The following EMG1 variants were observed in gnomAD, a reference collection of about 807,000 sequenced individuals.
The protein encoded by EMG1 is ribosomal RNA small subunit methyltransferase NEP1.
In EMG1, 24 loss-of-function variants were observed where a neutral mutation model predicts 26.9. The observed-to-expected ratio is 0.89, with a 90% confidence interval of 0.65 to 1.26. The LOEUF (loss-of-function observed/expected upper bound fraction) is 1.26, where lower values mean the gene tolerates loss of function less well. Ranked by LOEUF, EMG1 falls within the 50% of genes most tolerant of loss-of-function variation. The pLI, the probability that EMG1 is intolerant of heterozygous loss-of-function variation, is 0.00. For synonymous variants in EMG1, 140 were observed against 112.6 expected (o/e 1.24, Z -1.54); for missense variants, 299 against 307.6 (o/e 0.97, Z 0.21).
At chr12:6,986,753 AG>A (rs1180806602) in intron 6 of EMG1, among the ~76,000 whole-genome samples, 10 of 142,408 alleles carry the variant, frequency 7.0e-5, no homozygotes, top group African/African-American at 2.7e-4. Flanking sequence ...GAGCAGAGAG[AG>A]CCACTGCACT....
chr12:6,982,999 T>TA (rs1437306957), downstream of EMG1: 1 of 619,520 alleles, frequency 1.6e-6, no homozygotes, highest in African/African-American at 1.8e-5. Context: ...TTTGTTTTTT[T>TA]AGAGATGCGA....
At chr12:6,982,106 A>G (rs2138333349), downstream of EMG1, among the ~76,000 whole-genome samples, 1 of 152,066 alleles carries the variant, frequency 6.6e-6, no homozygotes, top group East Asian at 1.9e-4. Flanking sequence ...CTAAACTGAG[A>G]TGAGAATTTA....
At chr12:6,971,702 A>G (rs1282829609) in intron 1 of EMG1, among the ~76,000 whole-genome samples, 2 of 152,338 alleles carry the variant, frequency 1.3e-5, no homozygotes, top group Admixed American at 1.3e-4. Context: ...TCCTTGCGTC[A>G]TTCCACATCC....
chr12:6,996,399 CTTG>C (rs1946636208), intron 7 of EMG1, among the ~76,000 whole-genome samples: 1 of 152,126 alleles, frequency 6.6e-6, no homozygotes, highest in Non-Finnish European at 1.5e-5. Flanking sequence ...TCACACACTT[CTTG>C]TTCTTCTTTC....
rs1435355225 is a variant in EMG1 at position 6,974,319 on chromosome 12, T to C, written c.169-20T>C. 8 of 1,569,772 alleles carry C rather than the reference T, an allele frequency of 5.1e-6. No individual in the cohort carries two copies. The highest frequency in any genetic ancestry group is 7.0e-6 in the Non-Finnish European group (8 of 1,143,626). On this transcript the variant is annotated intron_variant, in intron 1 of 5. Coordinates refer to ENST00000599672, the MANE Select transcript of EMG1 (RefSeq NM_006331.8). Reference sequence around the variant, plus strand: ...AACAGAAGCTTATGCTGTTCTCTCGTCATGTTCCCTGTTCTTCAGGTAGGG... The same window carrying C: ...AACAGAAGCTTATGCTGTTCTCTCGCCATGTTCCCTGTTCTTCAGGTAGGG...
chr12:6,989,675 A>C (rs1405290880), downstream of EMG1, among the ~76,000 whole-genome samples: 1 of 152,140 alleles, frequency 6.6e-6, no homozygotes, highest in African/African-American at 2.4e-5. Context: ...AGTCAAGCAC[A>C]GGGAGTGGAT....
chr12:6,978,627 T>C lies in EMG1; in HGVS notation c.*2818T>C. 5.0e-6 allele frequency: 8 copies of C among 1,614,196 alleles called. No homozygotes were observed. The highest frequency in any genetic ancestry group is 2.2e-5 in the East Asian group (1 of 44,890). ...CTGTGACCAGCCAACAGGTGACATA[T>C]TTGTACAGCACAAACTTGCCCCAGA... On this transcript the variant is annotated 3_prime_UTR_variant, in exon 6 of 6. Coordinates refer to ENST00000599672, the MANE Select transcript of EMG1 (RefSeq NM_006331.8).
At chr12:6,980,536 TG>T (rs1408511180), downstream of EMG1, among the ~76,000 whole-genome samples, 1 of 151,834 alleles carries the variant, frequency 6.6e-6, no homozygotes, top group Admixed American at 6.6e-5. Flanking sequence ...TGTATTTTTT[TG>T]TAGAGACAGA....
At position 6,975,743 on chromosome 12, in the gene EMG1, C is replaced by A. The variant is rs377075069; in HGVS notation, c.669C>A (p.Pro223=). Residue 223 remains proline, a synonymous_variant, in exon 6 of 6, where the codon CCC becomes CCA. Transcript: ENST00000599672. The part of the protein sequence containing the change: ...TEKMVSISNY[P]LSAALTCAKL... ...AGATGGTGTCCATCAGTAACTACCC[C>A]CTTTCTGCTGCCCTCACCTGTGCAA... 14 of 1,613,596 alleles carry A rather than the reference C, an allele frequency of 8.7e-6. No homozygotes were observed. The highest frequency in any genetic ancestry group is 3.3e-5 in the South Asian group (3 of 91,082).
At chr12:6,975,435 C>T (rs927297883) in intron 5 of EMG1, 57 bp downstream of exon 5, 13 of 1,504,550 alleles carry the variant, frequency 8.6e-6, no homozygotes, top group Non-Finnish European at 1.2e-5. Context: ...GTATAGAATT[C>T]CCAGAGCAGT....
intron 6 of EMG1, among the ~76,000 whole-genome samples, chr12:6,985,705 ACT>A (rs1308563534): frequency 6.6e-6 from 1 of 150,990 alleles, no homozygotes; most frequent in African/African-American, 2.4e-5. Context: ...ACAGAGCGAG[ACT>A]CTGTCTCAAA....
intron 5 of EMG1, 144 bp downstream of exon 5, chr12:6,975,522 A>G (rs1591708896): frequency 9.6e-7 from 1 of 1,036,714 alleles, no homozygotes; most frequent in South Asian, 1.5e-5. Context: ...ACATCCTTTG[A>G]GGGCTGCTGC....
chr12:6,977,493 C>T lies in EMG1; in HGVS notation c.*1684C>T, dbSNP rs1946419435. ...GGACAGTAATGGCGGCCAGCTTGCTCAGGGTGGGGCTCTCTTGAATGAGCC... is the reference window on the plus strand; with the variant it reads ...GGACAGTAATGGCGGCCAGCTTGCTTAGGGTGGGGCTCTCTTGAATGAGCC... On this transcript the variant is annotated 3_prime_UTR_variant, in exon 6 of 6. Coordinates refer to ENST00000599672, the MANE Select transcript of EMG1 (RefSeq NM_006331.8). The surrounding 1 kb of genome is among the most constrained non-coding windows in gnomAD (Gnocchi z 4.5). 2 of 1,614,196 alleles carry T rather than the reference C, an allele frequency of 1.2e-6. No homozygotes were observed. The highest frequency in any genetic ancestry group is 1.1e-5 in the South Asian group (1 of 91,084).
downstream of EMG1, among the ~76,000 whole-genome samples, chr12:6,990,526 A>AAAATAAAT (rs59048377): frequency 7.7e-3 from 1,115 of 144,490 alleles, 13 homozygotes; most frequent in East Asian, 0.034. Flanking sequence ...AAATTAAAAT[A>AAAATAAAT]AAATAAATAA....
Position 6,979,372 on chromosome 12 carries a change from G to T in EMG1, c.*3563G>T, listed in dbSNP as rs1181712220. On this transcript the variant is annotated 3_prime_UTR_variant, in exon 6 of 6. Coordinates refer to ENST00000599672, the MANE Select transcript of EMG1 (RefSeq NM_006331.8). The stretch of plus-strand genomic sequence containing the variant: ...AGAGCAAAACCAACATGCACTTGTA[G>T]ATGATATTTCCTACTTCTCTGCTAT... The T allele has an allele frequency of 4.6e-6, 4 of 866,142 alleles. No individual in the cohort carries two copies. The highest frequency in any genetic ancestry group is 7.5e-6 in the Non-Finnish European group (4 of 534,000). The allele number at this position is 866,142 out of a possible 1,614,324, so 53.7% of individuals were successfully genotyped here.
downstream of EMG1, among the ~76,000 whole-genome samples, chr12:6,980,214 A>AT (rs1205433943): frequency 4.7e-5 from 7 of 150,258 alleles, no homozygotes; most frequent in East Asian, 5.9e-4. Context: ...TGCCTGGATA[A>AT]TTTTTTTTTG....
chr12:6,979,264 C>T lies in EMG1; in HGVS notation c.*3455C>T, dbSNP rs1015198748. ...CAACGGGTGCTAAATGTGCACCTGG[C>T]ACAGCCCTGTGCCCGCGAAGGTTGT... On this transcript the variant is annotated 3_prime_UTR_variant, in exon 6 of 6. Transcript: ENST00000599672. 50 of 586,052 alleles carry T rather than the reference C, an allele frequency of 8.5e-5. No individual in the cohort carries two copies. In the East Asian group the frequency reaches 1.4e-3, roughly 16 times the overall value. 36.3% of individuals were successfully genotyped at this position (586,052 alleles called of 1,614,324 possible).
chr12:6,977,928 C>A lies in EMG1; in HGVS notation c.*2119C>A, dbSNP rs782380660. ...TTAGAGATGGAAAGCAGACCCAAGGCGGAGCTGGAGACCGTGTGCGCACGA... is the reference window on the plus strand; with the variant it reads ...TTAGAGATGGAAAGCAGACCCAAGGAGGAGCTGGAGACCGTGTGCGCACGA... On this transcript the variant is annotated 3_prime_UTR_variant, in exon 6 of 6. Coordinates refer to ENST00000599672, the MANE Select transcript of EMG1 (RefSeq NM_006331.8). The surrounding 1 kb of genome is among the most constrained non-coding windows in gnomAD (Gnocchi z 4.5). 6.7e-5 allele frequency: 46 copies of A among 681,960 alleles called. 1 individual carries two copies. The East Asian group carries it at 1.2e-3, about 18-fold the overall frequency. 42.2% of individuals were successfully genotyped at this position (681,960 alleles called of 1,614,324 possible).
chr12:6,997,010 GAA>G (rs57621837), intron 7 of EMG1, among the ~76,000 whole-genome samples: 8 of 149,548 alleles, frequency 5.3e-5, no homozygotes, highest in African/African-American at 1.7e-4. Flanking sequence ...TGATAAATGG[GAA>G]AAAAAAAATC....
Sources: allele counts gnomAD v4.1 joint callset (sites outside exome capture counted in the v4.1 genomes callset), GRCh38; gene constraint gnomAD v4.1.1; non-coding constraint Gnocchi (gnomAD v3.1); transcripts MANE v1.5; gene names NCBI Gene and HGNC (gene_info 2026-07-23, HGNC 2026-07-21).